Variants in SERINC1 observed in about 807,000 individuals in gnomAD.
SERINC1 encodes serine incorporator 1.
SERINC1 carries 38 observed loss-of-function variants against 52.9 expected under a neutral mutation model. That is an observed-to-expected ratio of 0.72 (90% confidence interval 0.55 to 0.94). SERINC1 has a LOEUF of 0.94. SERINC1 is among the 40% of genes least tolerant of loss of function. The pLI is 0.00. For missense variants in SERINC1, 471 were observed against 533.9 expected, an observed-to-expected ratio of 0.88 and a Z score of 1.16; for synonymous variants, 198 against 183.1, an observed-to-expected ratio of 1.08 and a Z score of -0.66.
rs374448008 is a variant in SERINC1, at chr6:122,453,844, A to G, written c.515T>C (p.Ile172Thr). Residue 172 changes from isoleucine (I) to threonine (T), a missense_variant, in exon 5 of 10, where the codon ATT becomes ACT. By Grantham distance (89) the Ile-to-Thr change is moderately conservative. Coordinates refer to ENST00000339697, the MANE Select transcript of SERINC1 (RefSeq NM_020755.4). ...TTCATTCCATGAATGTGCAAAATCA[A>G]TAAGTAAGACTAGTTGTATGAGGAT... is the stretch of plus-strand genomic sequence containing the variant. ...CFILIQLVLL[I>T]DFAHSWNESW... 7.5e-6 allele frequency: 12 copies of G among 1,610,388 alleles called. No individual in the cohort carries two copies. Among genetic ancestry groups the G allele is most frequent in the South Asian group, 2.2e-5 (2 of 90,686 alleles).
At position 122,468,411 on chromosome 6, in the gene SERINC1, C is replaced by T. The variant is rs538814723; in HGVS notation, c.39+3288G>A. Reference sequence around the variant, plus strand: ...AGGTTGTGACAATGAAAAATGTCTGCAGATATTGCCAAATGCCCACTGGGG... The same window carrying T: ...AGGTTGTGACAATGAAAAATGTCTGTAGATATTGCCAAATGCCCACTGGGG... On this transcript the variant is annotated intron_variant, in intron 1 of 9. Coordinates refer to ENST00000339697, the MANE Select transcript of SERINC1 (RefSeq NM_020755.4). Among the ~76,000 whole-genome samples, 3 of 152,318 alleles carry T rather than the reference C, an allele frequency of 2.0e-5. No homozygotes were observed. The East Asian group carries it at 5.8e-4, about 29-fold the overall frequency.
rs574701146 is a variant in SERINC1, at chr6:122,463,362, C to T, written c.40-4681G>A. Among the ~76,000 whole-genome samples, 4 of 152,150 alleles carry T rather than the reference C, an allele frequency of 2.6e-5. No homozygotes were observed. The South Asian group carries it at 6.2e-4, about 24-fold the overall frequency. ...ACAAAAGAAAAACAAATGAATTGGG[C>T]TTCATCAAAATTAAGAACTTTTGCT... On this transcript the variant is annotated intron_variant, in intron 1 of 9. Coordinates refer to ENST00000339697, the MANE Select transcript of SERINC1 (RefSeq NM_020755.4).
chr6:122,467,332 CG>C (rs1562217910), intron 1 of SERINC1, among the ~76,000 whole-genome samples: 1 of 152,060 alleles, frequency 6.6e-6, no homozygotes, highest in Non-Finnish European at 1.5e-5. Context: ...AGGCTGGGTG[CG>C]GTGGCTCACA....
At chr6:122,470,927 G>A (rs1414891869) in intron 1 of SERINC1, among the ~76,000 whole-genome samples, 1 of 151,772 alleles carries the variant, frequency 6.6e-6, no homozygotes, top group Non-Finnish European at 1.5e-5. Flanking sequence ...CCAAAGTCTT[G>A]CCACTATACT....
chr6:122,451,776 A>AAAAAAAAAATATAC lies in SERINC1; in HGVS notation c.760-23_760-22insGTATATTTTTTTTT. The AAAAAAAAAATATAC allele has an allele frequency of 2.1e-5, 2 of 95,480 alleles. 1 individual carries two copies. Among genetic ancestry groups the AAAAAAAAAATATAC allele is most frequent in the African/African-American group, 1.5e-4 (2 of 13,060 alleles). The allele number at this position is 95,480 out of a possible 1,614,324, so 5.9% of individuals were successfully genotyped here. ...ATTCCTACAAAAAAAAAAAAAAAAA[A>AAAAAAAAAATATAC]ATATATATATATATATATAGCAACA... On this transcript the variant is annotated intron_variant, in intron 6 of 9. Coordinates refer to ENST00000339697, the MANE Select transcript of SERINC1 (RefSeq NM_020755.4).
chr6:122,465,737 C>G (rs953652693), intron 1 of SERINC1, among the ~76,000 whole-genome samples: 5 of 151,856 alleles, frequency 3.3e-5, no homozygotes, highest in African/African-American at 1.2e-4. Flanking sequence ...ACACTAAGAT[C>G]AATGAAAGTG....
chr6:122,471,769 A>C lies in SERINC1; in HGVS notation c.-32T>G. ...AACGTCACAAGAGCAGCGGATACAG[A>C]CAAGATGGAGACAGCTTCTTTCTCG... On this transcript the variant is annotated 5_prime_UTR_variant, in exon 1 of 10. Coordinates refer to ENST00000339697, the MANE Select transcript of SERINC1 (RefSeq NM_020755.4). 3 of 1,613,844 alleles carry C rather than the reference A, an allele frequency of 1.9e-6. No homozygotes were observed. The highest frequency in any genetic ancestry group is 2.5e-6 in the Non-Finnish European group (3 of 1,179,904).
intron 1 of SERINC1, among the ~76,000 whole-genome samples, chr6:122,463,829 G>A (rs1775145740): frequency 1.3e-5 from 2 of 152,044 alleles, no homozygotes; most frequent in South Asian, 4.1e-4. Flanking sequence ...GTATGAATAA[G>A]CAAATCCACA....
At chr6:122,460,067 TATTG>T (rs1775074559) in intron 1 of SERINC1, among the ~76,000 whole-genome samples, 1 of 152,086 alleles carries the variant, frequency 6.6e-6, no homozygotes, top group Non-Finnish European at 1.5e-5. Context: ...GCCCTTATTT[TATTG>T]ATTAATTGAT....
At chr6:122,453,518 ATTTAT>A (rs1234086453) in intron 5 of SERINC1, among the ~76,000 whole-genome samples, 2 of 152,134 alleles carry the variant, frequency 1.3e-5, no homozygotes, top group African/African-American at 4.8e-5. Flanking sequence ...GCTTTGGAAC[ATTTAT>A]TTTAGCTATT....
In SERINC1 at chr6:122,451,910, A is replaced by G; in HGVS notation, c.737T>C (p.Met246Thr). Residue 246 changes from methionine (M) to threonine (T), a missense_variant, in exon 6 of 10, where the codon ATG (methionine) becomes ACG (threonine). Coordinates refer to ENST00000339697, the MANE Select transcript of SERINC1 (RefSeq NM_020755.4). ...NMLLCVGASV[M>T]SILPKIQESQ... ...TACTTGGATTTTTGGCAGTATAGAC[A>G]TTACAGAAGCACCAACGCAGAGGAG... 1 of 1,582,726 alleles carries G rather than the reference A, an allele frequency of 6.3e-7. No individual in the cohort carries two copies. The highest frequency in any genetic ancestry group is 1.8e-5 in the Admixed American group (1 of 54,282).
intron 1 of SERINC1, among the ~76,000 whole-genome samples, chr6:122,461,638 C>T (rs1203124353): frequency 6.7e-6 from 1 of 149,962 alleles, no homozygotes. Flanking sequence ...TGCACATGTA[C>T]CCTAAAACTT....
At chr6:122,454,424 A>G (rs1774962275) in intron 3 of SERINC1, 194 bp from the exon 4 acceptor site, 2 of 514,430 alleles carry the variant, frequency 3.9e-6, no homozygotes. Context: ...TTTAGATAAC[A>G]TAGTTTGGAG....
intron 1 of SERINC1, among the ~76,000 whole-genome samples, chr6:122,469,380 G>GTTT (rs11300483): frequency 7.2e-6 from 1 of 139,108 alleles, no homozygotes; most frequent in Non-Finnish European, 1.6e-5. Flanking sequence ...TTTTGTTTTT[G>GTTT]TTTTTTTTTT....
chr6:122,454,218 A>T lies in SERINC1; in HGVS notation c.384T>A (p.Phe128Leu). Residue 128 changes from phenylalanine to leucine, a missense_variant, in exon 4 of 10, where the codon TTT (phenylalanine) becomes TTA (leucine). Physicochemically the swap from Phe to Leu is conservative, Grantham distance 22. Coordinates refer to ENST00000339697, the MANE Select transcript of SERINC1 (RefSeq NM_020755.4). The stretch of plus-strand genomic sequence containing the variant: ...TAATTGCAATTGCTGCAGCAAATTT[A>T]AAGAACCAAAATCTAAAACAAAAAG... ...RAAVHNGFWF[F>L]KFAAAIAIII... 1 of 1,564,962 alleles carries T rather than the reference A, an allele frequency of 6.4e-7. No individual in the cohort carries two copies. The highest frequency in any genetic ancestry group is 8.7e-7 in the Non-Finnish European group (1 of 1,148,000).
chr6:122,469,462 C>T (rs780439794), intron 1 of SERINC1, among the ~76,000 whole-genome samples: 20 of 151,712 alleles, frequency 1.3e-4, no homozygotes, highest in Non-Finnish European at 2.4e-4. Context: ...CTGCAGCCTC[C>T]GCCTCCTGGG....
chr6:122,471,640 G>C lies in SERINC1; in HGVS notation c.39+59C>G, dbSNP rs1295073065. On this transcript the variant is annotated intron_variant, in intron 1 of 9. Transcript: ENST00000339697. The stretch of plus-strand genomic sequence containing the variant: ...GCCGGGCTCACCCAGCCCCGGCTCG[G>C]ATCGCCTTCTCTTTGGTCTCTCACA... 2.5e-6 allele frequency: 4 copies of C among 1,610,652 alleles called. No individual in the cohort carries two copies. The East Asian group carries it at 8.9e-5, about 36-fold the overall frequency.
At chr6:122,455,953 T>C (rs1016177236) in intron 3 of SERINC1, among the ~76,000 whole-genome samples, 11 of 152,226 alleles carry the variant, frequency 7.2e-5, no homozygotes, top group Admixed American at 2.0e-4. Context: ...TTAATATTTA[T>C]ATTCTACTTG....
chr6:122,453,659 T>C lies in SERINC1; in HGVS notation c.589+111A>G, dbSNP rs1412824365. 6.0e-6 allele frequency: 5 copies of C among 835,586 alleles called. No individual in the cohort carries two copies. In the Admixed American group the frequency reaches 1.5e-4, roughly 25 times the overall value. 51.8% of individuals were successfully genotyped at this position (835,586 alleles called of 1,614,324 possible). ...ACTCACAAAGTTTAAATTAAAAACC[T>C]CATCATAGGAAAGTAGACCATAAAA... On this transcript the variant is annotated intron_variant, in intron 5 of 9. Coordinates refer to ENST00000339697, the MANE Select transcript of SERINC1 (RefSeq NM_020755.4).
Sources: allele counts gnomAD v4.1 joint callset (sites outside exome capture counted in the v4.1 genomes callset), GRCh38; gene constraint gnomAD v4.1.1; transcripts MANE v1.5; gene names NCBI Gene and HGNC (gene_info 2026-07-23, HGNC 2026-07-21).